RBPMS: variants seen among roughly 807,000 people sequenced by gnomAD.
RBPMS encodes RNA-binding protein with multiple splicing.
In RBPMS, 7 loss-of-function variants were observed where a neutral mutation model predicts 26.8. That is an observed-to-expected ratio of 0.26 (90% CI 0.15 to 0.49). RBPMS has a LOEUF of 0.49. Among genes scored for constraint, RBPMS ranks in the 20% least tolerant of loss-of-function variants. The pLI is 0.98. For synonymous variants in RBPMS, 96 were observed against 93.3 expected (o/e 1.03, Z -0.17); for missense variants, 186 against 250.0 (o/e 0.74, Z 1.73).
chr8:30,496,062 TTGTG>T (rs1394534174), intron 4 of RBPMS, among the ~76,000 whole-genome samples: 7 of 152,314 alleles, frequency 4.6e-5, no homozygotes, highest in Non-Finnish European at 8.8e-5. Context: ...ATTCTTAACA[TTGTG>T]TGGGACTATC....
At chr8:30,424,420 G>T (rs1376324174) in intron 1 of RBPMS, among the ~76,000 whole-genome samples, 2 of 152,092 alleles carry the variant, frequency 1.3e-5, no homozygotes, top group African/African-American at 2.4e-5. Context: ...ATTTGAAAGG[G>T]GATATCACTG....
intron 1 of RBPMS, among the ~76,000 whole-genome samples, chr8:30,451,593 A>G (rs1814596926): frequency 1.3e-5 from 2 of 152,144 alleles, no homozygotes. Context: ...GGCTCTCTAG[A>G]AGTGTGAATG....
At chr8:30,502,915 T>G (rs1042732524) in intron 4 of RBPMS, among the ~76,000 whole-genome samples, 2 of 151,570 alleles carry the variant, frequency 1.3e-5, no homozygotes, top group Non-Finnish European at 2.9e-5. Flanking sequence ...TGTTCTTATG[T>G]TTCACAGAAC....
intron 1 of RBPMS, among the ~76,000 whole-genome samples, chr8:30,411,320 G>A (rs1043089448): frequency 1.3e-5 from 2 of 152,122 alleles, no homozygotes; most frequent in Non-Finnish European, 2.9e-5. Flanking sequence ...TTCTGTGGGA[G>A]ACAGAGGACG....
chr8:30,413,201 C>T (rs1563294722), intron 1 of RBPMS, among the ~76,000 whole-genome samples: 1 of 152,180 alleles, frequency 6.6e-6, no homozygotes, highest in Non-Finnish European at 1.5e-5. Flanking sequence ...GCCTCAGCCT[C>T]CTGAGTAGCT....
At chr8:30,390,408 C>G (rs1307903765) in intron 1 of RBPMS, among the ~76,000 whole-genome samples, 1 of 152,222 alleles carries the variant, frequency 6.6e-6, no homozygotes, top group Admixed American at 6.5e-5. Flanking sequence ...TGATGCTCTT[C>G]TGGAGTCCAT....
At chr8:30,565,580 A>G (rs1258238834) in intron 7 of RBPMS, 2 of 152,210 alleles carry the variant, frequency 1.3e-5, no homozygotes, top group Non-Finnish European at 2.9e-5. Context: ...CAGGGGGAGT[A>G]TTAGAAACTG....
intron 6 of RBPMS, among the ~76,000 whole-genome samples, chr8:30,551,589 T>C (rs1360239270): frequency 6.6e-6 from 1 of 152,180 alleles, no homozygotes; most frequent in African/African-American, 2.4e-5. Context: ...CCCCAGATCC[T>C]ACGCGCCTTC....
At chr8:30,466,418 C>T (rs1287550382) in intron 1 of RBPMS, among the ~76,000 whole-genome samples, 1 of 151,822 alleles carries the variant, frequency 6.6e-6, no homozygotes, top group African/African-American at 2.4e-5. Flanking sequence ...TTGTGGCACA[C>T]ACCTTTAGTC....
intron 4 of RBPMS, among the ~76,000 whole-genome samples, chr8:30,486,022 T>C (rs1818730152): frequency 6.6e-6 from 1 of 152,182 alleles, no homozygotes; most frequent in African/African-American, 2.4e-5. Flanking sequence ...TTATGAAGCA[T>C]TTACATAGGA....
intron 1 of RBPMS, among the ~76,000 whole-genome samples, chr8:30,439,633 T>G (rs555675906): frequency 3.5e-4 from 53 of 152,010 alleles, no homozygotes; most frequent in Admixed American, 1.6e-3. Context: ...TAATTGCCCG[T>G]TTTTTGACTT....
chr8:30,487,635 ATAAG>A (rs1368752553), intron 4 of RBPMS, among the ~76,000 whole-genome samples: 3 of 152,156 alleles, frequency 2.0e-5, no homozygotes, highest in East Asian at 1.9e-4. Context: ...TATATGTAAA[ATAAG>A]TGAGGGAGAA....
At chr8:30,437,933 TG>T in intron 1 of RBPMS, among the ~76,000 whole-genome samples, 1 of 152,190 alleles carries the variant, frequency 6.6e-6, no homozygotes. Context: ...CACTCCAGCC[TG>T]GGTGACAGAG....
chr8:30,386,410 T>C (rs916103895), intron 1 of RBPMS, among the ~76,000 whole-genome samples: 1 of 152,244 alleles, frequency 6.6e-6, no homozygotes, highest in African/African-American at 2.4e-5. Context: ...TAGGAGATTT[T>C]ACTCGTCACC....
Position 30,501,929 on chromosome 8 carries a change from C to A in RBPMS, c.247-2357C>A, listed in dbSNP as rs1585679624. Among the ~76,000 whole-genome samples, 3 of 152,168 alleles carry A rather than the reference C, an allele frequency of 2.0e-5. No individual in the cohort carries two copies. In the South Asian group the frequency reaches 6.2e-4, roughly 32 times the overall value. ...CTTCGTTTCTGTGTTCTCCCTTTTC[C>A]TGCCCCTCTTTTTTCTCCTCTTCAT... On this transcript the variant is annotated intron_variant, in intron 4 of 8. Coordinates refer to ENST00000397323, the MANE Select transcript of RBPMS (RefSeq NM_001008710.3).
At chr8:30,440,774 G>T (rs1812976328) in intron 1 of RBPMS, among the ~76,000 whole-genome samples, 1 of 150,590 alleles carries the variant, frequency 6.6e-6, no homozygotes, top group South Asian at 2.1e-4. Flanking sequence ...CCACATCTTT[G>T]AGAACACTTA....
chr8:30,568,323 A>C (rs1828040477), intron 8 of RBPMS, among the ~76,000 whole-genome samples: 1 of 152,144 alleles, frequency 6.6e-6, no homozygotes, highest in Non-Finnish European at 1.5e-5. Context: ...CTGCAGATGG[A>C]TCAAGGGAGG....
chr8:30,443,989 C>G (rs1813438477), intron 1 of RBPMS, among the ~76,000 whole-genome samples: 2 of 152,076 alleles, frequency 1.3e-5, no homozygotes, highest in South Asian at 4.2e-4. Flanking sequence ...CTCCACCTCC[C>G]AGGTTCAAGC....
chr8:30,417,156 G>A (rs1810184307), intron 1 of RBPMS, among the ~76,000 whole-genome samples: 1 of 152,088 alleles, frequency 6.6e-6, no homozygotes, highest in African/African-American at 2.4e-5. Context: ...GCTAGTTTAA[G>A]AATACAGTAA....
Sources: gnomAD v4.1 joint callset for allele counts (sites outside exome capture counted in the v4.1 genomes callset) on GRCh38, gnomAD v4.1.1 for gene constraint, MANE v1.5 for transcripts, NCBI Gene and HGNC (gene_info 2026-07-23, HGNC 2026-07-21) for gene names.